Variants in SH3RF3 observed in about 807,000 individuals in gnomAD.
SH3RF3 encodes the protein SH3 domain containing ring finger 3, also known as E3 ubiquitin-protein ligase SH3RF3.
In SH3RF3, 29 loss-of-function variants were observed where a neutral mutation model predicts 66.3. The ratio of observed to expected loss-of-function variants is 0.44; its 90% CI spans 0.33 to 0.60. The LOEUF (loss-of-function observed/expected upper bound fraction) is 0.60. SH3RF3 is among the 20% of genes least tolerant of loss of function. The pLI is 0.04. For synonymous variants in SH3RF3, 583 were observed against 532.0 expected, an observed-to-expected ratio of 1.10 and a Z score of -1.32; for missense variants, 1,194 against 1,190.9, an observed-to-expected ratio of 1.00 and a Z score of -0.04.
intron 3 of SH3RF3, among the ~76,000 whole-genome samples, 175 bp from the exon 4 acceptor site, chr2:109,398,415 C>G (rs72943399): frequency 0.046 from 7,032 of 152,208 alleles, 537 homozygotes; most frequent in African/African-American, 0.16. Flanking sequence ...CTCCAAAAAC[C>G]TTTTCAATAA....
intron 7 of SH3RF3, among the ~76,000 whole-genome samples, chr2:109,437,431 C>T (rs1244987549): frequency 6.6e-6 from 1 of 152,098 alleles, no homozygotes; most frequent in East Asian, 1.9e-4. Context: ...TGTTACCCAT[C>T]CTGGCAGCTG....
rs1679177686 is a variant in SH3RF3, at chr2:109,493,260, A to G, written c.2480+2324A>G. On this transcript the variant is annotated intron_variant, in intron 9 of 9. Transcript: ENST00000309415. ...ATACACACGCACCACACACACTGCA[A>G]ACACACACCCCACGTACACCATAGA... Among the ~76,000 whole-genome samples the G allele has an allele frequency of 1.3e-5, 2 of 150,664 alleles. 1 individual carries two copies. Among genetic ancestry groups the G allele is most frequent in the African/African-American group, 4.9e-5 (2 of 40,886 alleles).
intron 1 of SH3RF3, among the ~76,000 whole-genome samples, chr2:109,218,458 T>C (rs1157463965): frequency 6.6e-6 from 1 of 152,220 alleles, no homozygotes; most frequent in South Asian, 2.1e-4. Flanking sequence ...CCACTTCCTT[T>C]CTGCTATACA....
chr2:109,132,951 T>G (rs1312879391), intron 1 of SH3RF3, among the ~76,000 whole-genome samples: 1 of 152,240 alleles, frequency 6.6e-6, no homozygotes, highest in East Asian at 1.9e-4. Context: ...AATTCCAATT[T>G]TGTTTTGAAA....
intron 1 of SH3RF3, among the ~76,000 whole-genome samples, chr2:109,270,745 T>C (rs1257909981): frequency 6.6e-6 from 1 of 152,166 alleles, no homozygotes; most frequent in East Asian, 1.9e-4. Context: ...TCCTCTTATG[T>C]AGATTGACCT....
intron 1 of SH3RF3, among the ~76,000 whole-genome samples, chr2:109,143,201 T>TG (rs974139313): frequency 3.9e-4 from 59 of 152,192 alleles, no homozygotes; most frequent in African/African-American, 1.4e-3. Flanking sequence ...ATAGAAAAAT[T>TG]GTGGCAGTTG....
At chr2:109,256,848 T>A (rs949260289) in intron 1 of SH3RF3, among the ~76,000 whole-genome samples, 2 of 152,198 alleles carry the variant, frequency 1.3e-5, no homozygotes, top group Non-Finnish European at 2.9e-5. Context: ...GTGTCCCTTG[T>A]CTTCCATTGT....
chr2:109,462,025 A>C (rs1678219057), intron 8 of SH3RF3, among the ~76,000 whole-genome samples: 1 of 151,562 alleles, frequency 6.6e-6, no homozygotes, highest in African/African-American at 2.4e-5. Context: ...ACACCACCAA[A>C]CCCCTAGAAA....
At chr2:109,430,667 GTATTT>G (rs1677183638) in intron 5 of SH3RF3, among the ~76,000 whole-genome samples, 1 of 152,166 alleles carries the variant, frequency 6.6e-6, no homozygotes, top group African/African-American at 2.4e-5. Flanking sequence ...TCCCTTAGTG[GTATTT>G]CCTCTATGGT....
chr2:109,327,521 C>T (rs866128042), intron 1 of SH3RF3, among the ~76,000 whole-genome samples: 4 of 152,096 alleles, frequency 2.6e-5, no homozygotes, highest in Admixed American at 6.6e-5. Flanking sequence ...TTGAAAATCC[C>T]GTCGAGATTT....
At chr2:109,149,543 T>C (rs1436060322) in intron 1 of SH3RF3, among the ~76,000 whole-genome samples, 1 of 152,194 alleles carries the variant, frequency 6.6e-6, no homozygotes, top group Non-Finnish European at 1.5e-5. Flanking sequence ...ATTCGCTTGT[T>C]TGACAGAGCA....
chr2:109,394,387 A>G (rs1676085434), intron 3 of SH3RF3, among the ~76,000 whole-genome samples: 1 of 152,048 alleles, frequency 6.6e-6, no homozygotes, highest in African/African-American at 2.4e-5. Context: ...CCCTTGAGCT[A>G]ATCTCCCACC....
At chr2:109,494,071 G>A (rs934305312) in intron 9 of SH3RF3, among the ~76,000 whole-genome samples, 2 of 152,170 alleles carry the variant, frequency 1.3e-5, no homozygotes, top group African/African-American at 4.8e-5. Flanking sequence ...CAGACTTTGG[G>A]ATAGTTCAAA....
At chr2:109,163,058 C>T (rs1011735782) in intron 1 of SH3RF3, among the ~76,000 whole-genome samples, 2 of 152,300 alleles carry the variant, frequency 1.3e-5, no homozygotes, top group South Asian at 4.1e-4. Flanking sequence ...GCACTGATCC[C>T]GCCAAATAGG....
intron 8 of SH3RF3, among the ~76,000 whole-genome samples, chr2:109,484,722 G>T (rs1678924901): frequency 6.6e-6 from 1 of 152,076 alleles, no homozygotes; most frequent in African/African-American, 2.4e-5. Flanking sequence ...AACAGAAAAG[G>T]GTATAACAAA....
At position 109,428,092 on chromosome 2, in the gene SH3RF3, G is replaced by C. The variant is rs1375734656; in HGVS notation, c.1404-4409G>C. On this transcript the variant is annotated intron_variant, in intron 5 of 9. Coordinates refer to ENST00000309415, the MANE Select transcript of SH3RF3 (RefSeq NM_001099289.3). ...TCCTGCTGTGGGTCTTCCCTGCAGA[G>C]TGGGTGCTGCACCTAGATGGAAGAG... Among the ~76,000 whole-genome samples the C allele has an allele frequency of 2.6e-5, 4 of 152,238 alleles. No homozygotes were observed. In the South Asian group the frequency reaches 8.3e-4, roughly 31 times the overall value.
chr2:109,490,407 T>C (rs1679098528), intron 8 of SH3RF3, among the ~76,000 whole-genome samples, 198 bp from the exon 9 acceptor site: 1 of 152,166 alleles, frequency 6.6e-6, no homozygotes, highest in Non-Finnish European at 1.5e-5. Context: ...CCGTGGGAAC[T>C]GGGGTTCAGG....
At chr2:109,258,527 G>A (rs886325256) in intron 1 of SH3RF3, among the ~76,000 whole-genome samples, 3 of 152,122 alleles carry the variant, frequency 2.0e-5, no homozygotes, top group Middle Eastern at 3.2e-3. Context: ...GTGAGCCTCC[G>A]AACAATGTAT....
chr2:109,347,866 C>T lies in SH3RF3; in HGVS notation c.766C>T (p.His256Tyr), dbSNP rs200638926. 6.2e-7 allele frequency: 1 copy of T among 1,613,504 alleles called. No individual in the cohort carries two copies. The highest frequency in any genetic ancestry group is 2.2e-5 in the East Asian group (1 of 44,848). The change falls in exon 2 of 10, where the codon CAC becomes TAC. Residue 256 changes from histidine to tyrosine, a missense_variant. Physicochemically the swap from His to Tyr is moderately conservative, Grantham distance 83. Transcript: ENST00000309415. ...TATCCAGTGCATCCAGCCCTTGCCACACGCCCCGCCCCAGGGAAAAGCACT... is the reference window on the plus strand; with the variant it reads ...TATCCAGTGCATCCAGCCCTTGCCATACGCCCCGCCCCAGGGAAAAGCACT... ...SYIQCIQPLP[H>Y]APPQGKALYD...
Sources: gnomAD v4.1 joint callset for allele counts (sites outside exome capture counted in the v4.1 genomes callset) on GRCh38, gnomAD v4.1.1 for gene constraint, MANE v1.5 for transcripts, NCBI Gene and HGNC (gene_info 2026-07-23, HGNC 2026-07-21) for gene names.